The following CNTN3 variants were observed in gnomAD, a reference collection of about 807,000 sequenced individuals.
CNTN3 encodes contactin 3, also known as contactin-3.
A neutral mutation model predicts 119.1 loss-of-function variants in CNTN3; 60 were observed. That is an observed-to-expected ratio of 0.50 (90% confidence interval 0.41 to 0.62). CNTN3 has a LOEUF of 0.62. CNTN3 is among the 20% of genes least tolerant of loss of function. CNTN3 has a pLI of 0.00. For missense variants in CNTN3, 1,101 were observed against 1,242.4 expected (o/e 0.89, Z 1.71); for synonymous variants, 450 against 438.7 (o/e 1.03, Z -0.32).
chr3:74,388,956 G>A (rs572897411), intron 5 of CNTN3, among the ~76,000 whole-genome samples: 435 of 152,138 alleles, frequency 2.9e-3, no homozygotes, highest in Non-Finnish European at 4.8e-3. Flanking sequence ...ATTAGAGATC[G>A]ATACACGTAC....
At chr3:74,470,265 T>A (rs1702535740) in intron 4 of CNTN3, among the ~76,000 whole-genome samples, 1 of 152,184 alleles carries the variant, frequency 6.6e-6, no homozygotes, top group South Asian at 2.1e-4. Context: ...ATGGTGGTGA[T>A]GGCTGCACAA....
intron 11 of CNTN3, among the ~76,000 whole-genome samples, chr3:74,340,042 G>A (rs1287914774): frequency 4.6e-5 from 7 of 152,028 alleles, no homozygotes; most frequent in Non-Finnish European, 8.8e-5. Flanking sequence ...TAACAATACA[G>A]CAATAAAAAA....
intron 13 of CNTN3, among the ~76,000 whole-genome samples, chr3:74,322,379 C>A (rs1042315206): frequency 6.6e-6 from 1 of 151,966 alleles, no homozygotes; most frequent in African/African-American, 2.4e-5. Context: ...ATGCAGATGG[C>A]AAGTAAGAAT....
chr3:74,610,251 A>G (rs1705058246), intron 1 of CNTN3, among the ~76,000 whole-genome samples: 1 of 151,964 alleles, frequency 6.6e-6, no homozygotes, highest in Non-Finnish European at 1.5e-5. Flanking sequence ...TTAGCCCAGG[A>G]GGTCGAGGTT....
intron 1 of CNTN3, among the ~76,000 whole-genome samples, chr3:74,587,055 C>G (rs1406424813): frequency 6.6e-6 from 1 of 151,820 alleles, no homozygotes; most frequent in Non-Finnish European, 1.5e-5. Flanking sequence ...GAAGTACAGT[C>G]CAAACCCAGT....
chr3:74,580,338 GT>G (rs1704484341), intron 1 of CNTN3, among the ~76,000 whole-genome samples: 1 of 152,004 alleles, frequency 6.6e-6, no homozygotes, highest in Non-Finnish European at 1.5e-5. Context: ...ACAAAATCTC[GT>G]TCAAAACATA....
rs186385796 is a variant in CNTN3 at position 74,522,309 on chromosome 3, A to G, written c.-80-1117T>C. Among the ~76,000 whole-genome samples the G allele has an allele frequency of 5.9e-5, 9 of 152,054 alleles. No individual in the cohort carries two copies. The East Asian group carries it at 1.8e-3, about 30-fold the overall frequency. On this transcript the variant is annotated intron_variant, in intron 1 of 22. Coordinates refer to ENST00000263665, the MANE Select transcript of CNTN3 (RefSeq NM_020872.3). ...GGAATTGCGGCTAGAATGCCTAGGCATCACTCCCTCTAGGTCCACTGGAAT... is the reference window on the plus strand; with the variant it reads ...GGAATTGCGGCTAGAATGCCTAGGCGTCACTCCCTCTAGGTCCACTGGAAT...
intron 19 of CNTN3, among the ~76,000 whole-genome samples, chr3:74,287,906 C>G (rs1383705502): frequency 6.6e-6 from 1 of 152,156 alleles, no homozygotes; most frequent in South Asian, 2.1e-4. Context: ...CCAGTAAAAC[C>G]AACCCTTTGA....
intron 1 of CNTN3, among the ~76,000 whole-genome samples, chr3:74,533,109 T>C (rs576554921): frequency 2.0e-5 from 3 of 152,064 alleles, no homozygotes; most frequent in Non-Finnish European, 4.4e-5. Context: ...GTCACAGAAA[T>C]GATGATGCCT....
At chr3:74,594,273 C>CTTTTTTTTTTTTTTTTTTTTTTTTTT (rs59436860) in intron 1 of CNTN3, among the ~76,000 whole-genome samples, 3 of 112,050 alleles carry the variant, frequency 2.7e-5, no homozygotes, top group African/African-American at 3.0e-5. Context: ...TTCTTTTTTT[C>CTTTTTTTTTTTTTTTTTTTTTTTTTT]TTTTTTTTTT....
intron 5 of CNTN3, among the ~76,000 whole-genome samples, chr3:74,378,890 C>A (rs761447466): frequency 6.6e-6 from 1 of 152,166 alleles, no homozygotes; most frequent in Non-Finnish European, 1.5e-5. Context: ...CTACACGAAG[C>A]TTCACAAAGC....
chr3:74,365,545 T>A lies in CNTN3; in HGVS notation c.1083+21A>T, dbSNP rs1018630680. On this transcript the variant is annotated intron_variant, in intron 9 of 22. Transcript: ENST00000263665. Reference sequence around the variant, plus strand: ...GGATTTACCAGGCCTCTAAACCCATTTTAGGTCCATGTTACCTTACCTCTA... The same window carrying A: ...GGATTTACCAGGCCTCTAAACCCATATTAGGTCCATGTTACCTTACCTCTA... The A allele has an allele frequency of 6.2e-6, 10 of 1,612,874 alleles. No individual in the cohort carries two copies. In the South Asian group the frequency reaches 1.1e-4, roughly 18 times the overall value.
chr3:74,550,042 C>G (rs1019760704), intron 1 of CNTN3, among the ~76,000 whole-genome samples: 1 of 152,130 alleles, frequency 6.6e-6, no homozygotes, highest in African/African-American at 2.4e-5. Flanking sequence ...GTCAGATACA[C>G]CAAGTCATAA....
chr3:74,510,577 G>C (rs2107102879), intron 2 of CNTN3, among the ~76,000 whole-genome samples: 1 of 152,172 alleles, frequency 6.6e-6, no homozygotes, highest in South Asian at 2.1e-4. Context: ...AGTAACAGCT[G>C]CCTAAGACAT....
intron 4 of CNTN3, among the ~76,000 whole-genome samples, chr3:74,448,496 CA>C (rs1199414101): frequency 1.3e-5 from 2 of 152,116 alleles, no homozygotes; most frequent in Non-Finnish European, 2.9e-5. Context: ...AAATATCTGA[CA>C]AGTATGTAGC....
chr3:74,439,018 G>A (rs911707773), intron 4 of CNTN3, among the ~76,000 whole-genome samples: 2 of 152,010 alleles, frequency 1.3e-5, no homozygotes, highest in Non-Finnish European at 2.9e-5. Flanking sequence ...CAGGTGGTGA[G>A]AACTCCTGTG....
intron 11 of CNTN3, among the ~76,000 whole-genome samples, chr3:74,339,890 TACAGATAG>T (rs1703489632): frequency 1.2e-5 from 1 of 85,712 alleles, no homozygotes; most frequent in African/African-American, 4.8e-5. Flanking sequence ...ACTAATTGGA[TACAGATAG>T]ATAGATAGAT....
chr3:74,286,410 G>A (rs1383342439), intron 19 of CNTN3, among the ~76,000 whole-genome samples: 3 of 151,920 alleles, frequency 2.0e-5, no homozygotes, highest in Admixed American at 6.6e-5. Flanking sequence ...AAAAAAATCA[G>A]ATTTGAAAAA....
chr3:74,424,343 C>T (rs2106896485), intron 5 of CNTN3, among the ~76,000 whole-genome samples: 1 of 151,278 alleles, frequency 6.6e-6, no homozygotes, highest in Non-Finnish European at 1.5e-5. Context: ...ATTCCAACGC[C>T]CCAATGTAAA....
Sources: gnomAD v4.1 joint callset for allele counts (sites outside exome capture counted in the v4.1 genomes callset) on GRCh38, gnomAD v4.1.1 for gene constraint, MANE v1.5 for transcripts, NCBI Gene and HGNC (gene_info 2026-07-23, HGNC 2026-07-21) for gene names.